AKR1C3: variants seen among roughly 807,000 people sequenced by gnomAD.
The protein encoded by AKR1C3 is 3-alpha hydroxysteroid dehydrogenase, type II.
In AKR1C3, 48 loss-of-function variants were observed where a neutral mutation model predicts 43.6. The ratio of observed to expected loss-of-function variants is 1.10; its 90% CI spans 0.87 to 1.40. The LOEUF (loss-of-function observed/expected upper bound fraction) is 1.40, where lower values mean the gene tolerates loss of function less well. Ranked by LOEUF, AKR1C3 falls within the 40% of genes most tolerant of loss-of-function variation. The pLI, the probability that AKR1C3 is intolerant of heterozygous loss-of-function variation, is 0.00. For missense variants in AKR1C3, 482 were observed against 391.2 expected, an observed-to-expected ratio of 1.23 and a Z score of -1.96; for synonymous variants, 162 against 139.6, an observed-to-expected ratio of 1.16 and a Z score of -1.13.
At chr10:5,073,462 A>G (rs1467028769) in intron 1 of AKR1C3, among the ~76,000 whole-genome samples, 1 of 152,106 alleles carries the variant, frequency 6.6e-6, no homozygotes, top group Non-Finnish European at 1.5e-5. Flanking sequence ...ACATAATGGA[A>G]GACATAGAAC....
chr10:5,055,282 A>T (rs980316934), intron 1 of AKR1C3, among the ~76,000 whole-genome samples: 2 of 152,226 alleles, frequency 1.3e-5, no homozygotes, highest in Non-Finnish European at 2.9e-5. Flanking sequence ...AGACGGCATA[A>T]ATCTAGACTA....
Position 5,063,764 on chromosome 10 carries a change from GCAAA to G in AKR1C3, c.84+14870_84+14873del, listed in dbSNP as rs1422259357. 2.8e-3 allele frequency among the ~76,000 whole-genome samples: 92 copies of G among 33,432 alleles called. 1 individual carries two copies. Among genetic ancestry groups the G allele is most frequent in the African/African-American group, 0.011 (85 of 7,750 alleles). The allele number at this position is 33,432 out of a possible 152,430, so 21.9% of individuals were successfully genotyped here. ...GAGGACAGAGGTAGTCTCTGTCTCA[GCAAA>G]AAAAAAAAAAAAAAAAAAAAAGGAA... On this transcript the variant is annotated intron_variant, in intron 1 of 8. Coordinates refer to the AKR1C3 transcript ENST00000439082.
chr10:5,051,484 G>A (rs782366498), intron 1 of AKR1C3, among the ~76,000 whole-genome samples: 3 of 152,160 alleles, frequency 2.0e-5, no homozygotes, highest in Non-Finnish European at 2.9e-5. Flanking sequence ...ATAAAGTCAT[G>A]CTCTCAAAAA....
At chr10:5,089,846 C>T (rs1554783897), upstream of AKR1C3, among the ~76,000 whole-genome samples, 3 of 152,010 alleles carry the variant, frequency 2.0e-5, no homozygotes, top group African/African-American at 7.2e-5. Flanking sequence ...ATTTTTTTCT[C>T]ATTTGGAGAA....
intron 1 of AKR1C3, among the ~76,000 whole-genome samples, chr10:5,058,183 G>C (rs782545142): frequency 6.6e-6 from 1 of 152,194 alleles, no homozygotes; most frequent in Non-Finnish European, 1.5e-5. Flanking sequence ...AGGGAGGCTA[G>C]GATCTGGAGG....
At position 5,096,546 on chromosome 10, in the gene AKR1C3, T is replaced by C. The variant is rs782157138; in HGVS notation, c.221T>C (p.Val74Ala). 132 of 1,613,668 alleles carry C rather than the reference T, an allele frequency of 8.2e-5. No homozygotes were observed. The highest frequency in any genetic ancestry group is 1.1e-4 in the Non-Finnish European group (128 of 1,179,758). ...CGAAGCAAGATTGCAGATGGCAGTG[T>C]GAAGAGAGAAGACATATTCTACACT... Reference protein sequence around the residue: ...AIRSKIADGSVKREDIFYTSK... With the variant: ...AIRSKIADGSAKREDIFYTSK... Residue 74 changes from valine (V) to alanine (A), a missense_variant, in exon 2 of 9, where the codon GTG becomes GCG. Coordinates refer to ENST00000380554, the MANE Select transcript of AKR1C3 (RefSeq NM_003739.6).
chr10:5,066,289 C>A (rs1838499845), intron 1 of AKR1C3, among the ~76,000 whole-genome samples: 1 of 152,130 alleles, frequency 6.6e-6, no homozygotes, highest in Non-Finnish European at 1.5e-5. Flanking sequence ...GAGCCCAGTC[C>A]AAAACAATGG....
At chr10:5,102,302 A>G in intron 6 of AKR1C3, 92 bp downstream of exon 6, 1 of 1,582,208 alleles carries the variant, frequency 6.3e-7, no homozygotes. Context: ...TTAAGTTTCA[A>G]GTGGCTCATG....
rs376216020 is a variant in AKR1C3 at position 5,086,881 on chromosome 10, T to A, written c.85-9529T>A. The stretch of plus-strand genomic sequence containing the variant: ...TTGTTGGTTTAAAGTCTGTTTTATC[T>A]GAGACTAGGATTGCAACCCCTGCCT... On this transcript the variant is annotated intron_variant, in intron 1 of 8. Transcript: ENST00000439082. 7.9e-5 allele frequency among the ~76,000 whole-genome samples: 12 copies of A among 152,140 alleles called. 1 individual carries two copies. The highest frequency in any genetic ancestry group is 2.4e-4 in the African/African-American group (10 of 41,436).
At chr10:5,082,649 T>G (rs555190668) in intron 1 of AKR1C3, among the ~76,000 whole-genome samples, 2 of 152,328 alleles carry the variant, frequency 1.3e-5, no homozygotes, top group South Asian at 4.1e-4. Flanking sequence ...TGAAATCCAT[T>G]TGGTCATGAC....
chr10:5,060,139 TGGTGTTACAGC>T lies in AKR1C3; in HGVS notation c.84+11245_84+11255del, dbSNP rs1838351672. On this transcript the variant is annotated intron_variant, in intron 1 of 8. Coordinates refer to the AKR1C3 transcript ENST00000439082. ...TCAGGAGTGAAGCTGCAGACCTTCATGGTGTTACAGCTCATAAAGGCAGTGTGGACCCAAAG... is the reference window on the plus strand; with the variant it reads ...TCAGGAGTGAAGCTGCAGACCTTCATTCATAAAGGCAGTGTGGACCCAAAG... Among the ~76,000 whole-genome samples the T allele has an allele frequency of 6.6e-5, 10 of 152,274 alleles. 1 individual carries two copies. The South Asian group carries it at 2.1e-3, about 32-fold the overall frequency.
chr10:5,086,023 C>A (rs1564364412), intron 1 of AKR1C3, among the ~76,000 whole-genome samples: 1 of 151,788 alleles, frequency 6.6e-6, no homozygotes, highest in Non-Finnish European at 1.5e-5. Context: ...TTTCAAAAAA[C>A]CAGCTCCTGG....
chr10:5,067,324 A>G (rs1838527831), intron 1 of AKR1C3, among the ~76,000 whole-genome samples: 1 of 152,196 alleles, frequency 6.6e-6, no homozygotes, highest in South Asian at 2.1e-4. Flanking sequence ...AGATATTCAC[A>G]TCAAGGATGC....
chr10:5,093,625 G>T (rs1443705063), upstream of AKR1C3: 1 of 152,034 alleles, frequency 6.6e-6, no homozygotes, highest in Admixed American at 6.6e-5. Flanking sequence ...ATATAAAATG[G>T]TTATCAGTTT....
At chr10:5,079,763 A>G (rs1191468025) in intron 1 of AKR1C3, among the ~76,000 whole-genome samples, 1 of 151,936 alleles carries the variant, frequency 6.6e-6, no homozygotes. Context: ...TAGCCTCAGG[A>G]TGTGAGGAAA....
At chr10:5,056,176 C>G (rs908489402) in intron 1 of AKR1C3, among the ~76,000 whole-genome samples, 1 of 152,170 alleles carries the variant, frequency 6.6e-6, no homozygotes, top group African/African-American at 2.4e-5. Flanking sequence ...TGGCCTAGAT[C>G]TTGGGCCAGT....
At chr10:5,082,741 T>A (rs1489163247) in intron 1 of AKR1C3, among the ~76,000 whole-genome samples, 1 of 152,196 alleles carries the variant, frequency 6.6e-6, no homozygotes, top group South Asian at 2.1e-4. Flanking sequence ...TCCAAGGATA[T>A]GTTCCTCTAG....
At chr10:5,105,388 C>T (rs1256630290) in intron 7 of AKR1C3, 52 of 423,484 alleles carry the variant, frequency 1.2e-4, no homozygotes, top group Non-Finnish European at 1.9e-4. Flanking sequence ...CAGAGTTGCA[C>T]AGTTTCAATA....
At chr10:5,060,712 A>G (rs1474586450) in intron 1 of AKR1C3, among the ~76,000 whole-genome samples, 3 of 152,288 alleles carry the variant, frequency 2.0e-5, no homozygotes, top group East Asian at 1.9e-4. Context: ...TGGGTGGTCA[A>G]TGGGACTTGG....
Sources: allele counts gnomAD v4.1 joint callset (sites outside exome capture counted in the v4.1 genomes callset), GRCh38; gene constraint gnomAD v4.1.1; transcripts MANE v1.5; gene names NCBI Gene and HGNC (gene_info 2026-07-23, HGNC 2026-07-21).